Variants in ESPNL observed in about 807,000 individuals in gnomAD.
ESPNL encodes espin-like protein.
ESPNL carries 49 observed loss-of-function variants against 46.8 expected under a neutral mutation model. The ratio of observed to expected loss-of-function variants is 1.05; its 90% CI spans 0.83 to 1.33. The LOEUF (loss-of-function observed/expected upper bound fraction) is 1.33. ESPNL is among the 40% of genes most tolerant of loss of function. ESPNL has a pLI of 0.00. For synonymous variants in ESPNL, 664 were observed against 662.1 expected, an observed-to-expected ratio of 1.00 and a Z score of -0.04; for missense variants, 1,540 against 1,436.6, an observed-to-expected ratio of 1.07 and a Z score of -1.16.
rs770251557 is a variant in ESPNL at position 238,130,404 on chromosome 2, G to C, written c.1690G>C (p.Glu564Gln). Residue 564 changes from glutamate to glutamine, a missense_variant, in exon 9 of 9, where the codon GAG becomes CAG. Physicochemically the swap from Glu to Gln is conservative, Grantham distance 29. Coordinates refer to ENST00000343063, the MANE Select transcript of ESPNL (RefSeq NM_194312.4). ...FLPRAPGLEV[E>Q]EASIPAAEPA... ...GCCCCGGGCGCCCGGACTGGAGGTT[G>C]AGGAGGCCTCAATCCCAGCGGCTGA... The C allele has an allele frequency of 6.2e-7, 1 of 1,610,758 alleles. No individual in the cohort carries two copies. Among genetic ancestry groups the C allele is most frequent in the Non-Finnish European group, 8.5e-7 (1 of 1,179,172 alleles).
At position 238,132,138 on chromosome 2, in the gene ESPNL, G is replaced by A. The variant is rs1179792326; in HGVS notation, c.*406G>A. ...CCACATCCATCTTTCATGTGAGTCT[G>A]AGGTGGCCCCAGGCCCTGGTCCTGC... On this transcript the variant is annotated 3_prime_UTR_variant, in exon 9 of 9. Coordinates refer to ENST00000343063, the MANE Select transcript of ESPNL (RefSeq NM_194312.4). 1.1e-5 allele frequency: 2 copies of A among 175,358 alleles called. No individual in the cohort carries two copies. Among genetic ancestry groups the A allele is most frequent in the African/African-American group, 4.8e-5 (2 of 41,904 alleles). 10.9% of individuals were successfully genotyped at this position (175,358 alleles called of 1,614,324 possible).
chr2:238,107,172 C>T (rs1358837444), intron 3 of ESPNL, among the ~76,000 whole-genome samples: 2 of 152,240 alleles, frequency 1.3e-5, no homozygotes, highest in Admixed American at 6.5e-5. Context: ...CACAGGTTTC[C>T]GCAAGTCAGT....
At chr2:238,104,896 G>A (rs745555733) in intron 3 of ESPNL, 54 bp downstream of exon 3, 2 of 1,378,646 alleles carry the variant, frequency 1.5e-6, no homozygotes, top group East Asian at 2.8e-5. Context: ...GGGCCCTCCA[G>A]CAAGCAGAGC....
At chr2:238,130,022 A>T in intron 8 of ESPNL, 106 bp from the exon 9 acceptor site, 1 of 1,284,994 alleles carries the variant, frequency 7.8e-7, no homozygotes. Flanking sequence ...TTGGGGCAGG[A>T]CCAGAGGCTC....
chr2:238,101,082 G>C (rs932546120), intron 1 of ESPNL, among the ~76,000 whole-genome samples: 2 of 152,230 alleles, frequency 1.3e-5, no homozygotes, highest in Admixed American at 1.3e-4. Context: ...GGGCTTGAGA[G>C]CTGGGAGCCT....
chr2:238,111,459 C>A (rs1190182957), intron 4 of ESPNL, among the ~76,000 whole-genome samples: 1 of 152,120 alleles, frequency 6.6e-6, no homozygotes, highest in African/African-American at 2.4e-5. Flanking sequence ...TATCTCCCAG[C>A]CCCTGGCCAG....
At chr2:238,100,755 G>T (rs1453253358) in intron 1 of ESPNL, 42 bp downstream of exon 1, 1 of 1,390,032 alleles carries the variant, frequency 7.2e-7, no homozygotes, top group Non-Finnish European at 9.3e-7. Flanking sequence ...AAGCTGGCTG[G>T]GGTGGAACCA....
chr2:238,131,960 G>T lies in ESPNL; in HGVS notation c.*228G>T. The T allele has an allele frequency of 1.9e-6, 1 of 522,656 alleles. No homozygotes were observed. The highest frequency in any genetic ancestry group is 3.3e-6 in the Non-Finnish European group (1 of 301,770). 32.4% of individuals were successfully genotyped at this position (522,656 alleles called of 1,614,324 possible). On this transcript the variant is annotated 3_prime_UTR_variant, in exon 9 of 9. Coordinates refer to ENST00000343063, the MANE Select transcript of ESPNL (RefSeq NM_194312.4). ...CCCAGGAAGCCCCTTGGCAGGTCCT[G>T]AAGTGAGGCAATGGGCCACCCCAGT...
intron 1 of ESPNL, among the ~76,000 whole-genome samples, chr2:238,100,936 C>T (rs1384638987): frequency 1.3e-5 from 2 of 152,238 alleles, no homozygotes; most frequent in African/African-American, 4.8e-5. Context: ...TATCACCTTC[C>T]CTGCCAGGAA....
intron 4 of ESPNL, among the ~76,000 whole-genome samples, chr2:238,110,695 T>C (rs13022716): frequency 6.5e-5 from 1 of 15,370 alleles, no homozygotes. Flanking sequence ...GTTACCGAGT[T>C]TCCCTTTCCT....
chr2:238,117,107 T>C, intron 5 of ESPNL, 73 bp downstream of exon 5: 1 of 1,513,678 alleles, frequency 6.6e-7, no homozygotes, highest in Non-Finnish European at 8.9e-7. Context: ...ACCCCACTGC[T>C]GAACCTGCAG....
At chr2:238,118,706 GAA>G (rs1691890283) in intron 5 of ESPNL, among the ~76,000 whole-genome samples, 1 of 141,184 alleles carries the variant, frequency 7.1e-6, no homozygotes, top group Admixed American at 6.9e-5. Flanking sequence ...GATAGAGGAG[GAA>G]TGGATGGAGG....
intron 5 of ESPNL, among the ~76,000 whole-genome samples, chr2:238,121,825 T>G (rs1043005525): frequency 6.6e-6 from 1 of 152,202 alleles, no homozygotes; most frequent in African/African-American, 2.4e-5. Flanking sequence ...CATCTTTATT[T>G]TATATATGAG....
intron 6 of ESPNL, among the ~76,000 whole-genome samples, chr2:238,126,573 GTGTC>G (rs200015346): frequency 2.8e-5 from 4 of 144,896 alleles, no homozygotes; most frequent in South Asian, 2.3e-4. Flanking sequence ...GTGTTTGTGT[GTGTC>G]TGTGATTGTG....
In ESPNL at chr2:238,125,446, C is replaced by G. The variant is rs527608313; in HGVS notation, c.1102+62C>G. The G allele has an allele frequency of 9.7e-6, 10 of 1,033,136 alleles. No homozygotes were observed. In the African/African-American group the frequency reaches 1.5e-4, roughly 16 times the overall value. The allele number at this position is 1,033,136 out of a possible 1,614,324, so 64.0% of individuals were successfully genotyped here. On this transcript the variant is annotated intron_variant, in intron 6 of 8. Coordinates refer to ENST00000343063, the MANE Select transcript of ESPNL (RefSeq NM_194312.4). ...GGGCCTGGGAGAGGGTGCCACTGGC[C>G]TCCCCTCCGAGGTCCTGGACCGGTG...
intron 5 of ESPNL, among the ~76,000 whole-genome samples, chr2:238,118,846 A>G (rs1478402570): frequency 2.6e-5 from 3 of 115,176 alleles, no homozygotes; most frequent in Admixed American, 1.8e-4. Context: ...GGTGGAAGGA[A>G]GAGGGTGGAT....
In ESPNL at chr2:238,107,821, C is replaced by A; in HGVS notation, c.703C>A (p.Arg235=). The change falls in exon 4 of 9, where the codon CGG becomes AGG. Residue 235 remains arginine, a synonymous_variant. Coordinates refer to ENST00000343063, the MANE Select transcript of ESPNL (RefSeq NM_194312.4). ...ATTCACCGACATCGGACTCACGGCA[C>A]GGGACAATGAGGGGGCCACGGCCCT... is the stretch of plus-strand genomic sequence containing the variant. ...VTFTDIGLTA[R]DNEGATALHF... is the part of the protein sequence containing the mutation. 1 of 1,603,406 alleles carries A rather than the reference C, an allele frequency of 6.2e-7. No individual in the cohort carries two copies. Among genetic ancestry groups the A allele is most frequent in the Non-Finnish European group, 8.5e-7 (1 of 1,175,246 alleles).
At position 238,116,893 on chromosome 2, in the gene ESPNL, C is replaced by G; in HGVS notation, c.856-10C>G. On this transcript the variant is annotated splice_polypyrimidine_tract_variant and intron_variant, in intron 4 of 8. Coordinates refer to ENST00000343063, the MANE Select transcript of ESPNL (RefSeq NM_194312.4). ...CGTGGTGGGTCACATGTGTGCCCTC[C>G]TCACTGCAGTGCTGCCAGACCCTAG... 1 of 1,611,928 alleles carries G rather than the reference C, an allele frequency of 6.2e-7. No homozygotes were observed. Among genetic ancestry groups the G allele is most frequent in the Non-Finnish European group, 8.5e-7 (1 of 1,179,426 alleles).
At position 238,114,243 on chromosome 2, in the gene ESPNL, C is replaced by T. The variant is rs111282615; in HGVS notation, c.856-2660C>T. 1.5e-3 allele frequency among the ~76,000 whole-genome samples: 228 copies of T among 152,262 alleles called. 2 individuals carry two copies. The highest frequency in any genetic ancestry group is 0.014 in the Middle Eastern group (4 of 294). On this transcript the variant is annotated intron_variant, in intron 4 of 8. Transcript: ENST00000343063. The surrounding 1 kb of genome is among the most constrained non-coding windows in gnomAD (Gnocchi z 5.0). ...GAGGTTCCCTTCCTCCTCCCCATGG[C>T]TCTGTTCCTATCAGGGCTTTGCCCT...
Sources: allele counts gnomAD v4.1 joint callset (sites outside exome capture counted in the v4.1 genomes callset), GRCh38; gene constraint gnomAD v4.1.1; non-coding constraint Gnocchi (gnomAD v3.1); transcripts MANE v1.5; gene names NCBI Gene and HGNC (gene_info 2026-07-23, HGNC 2026-07-21).